Variants in ACSL4 observed in about 807,000 individuals in gnomAD.
ACSL4 encodes acyl-CoA synthetase long chain family member 4.
ACSL4 carries 9 observed loss-of-function variants against 49.1 expected under a neutral mutation model. The ratio of observed to expected loss-of-function variants is 0.18; its 90% CI spans 0.11 to 0.32. The LOEUF is 0.32. Ranked by LOEUF, ACSL4 falls within the 10% of genes least tolerant of loss-of-function variation. The pLI is 1.00. For synonymous variants in ACSL4, 191 were observed against 170.3 expected, an observed-to-expected ratio of 1.12 and a Z score of -0.95; for missense variants, 333 against 493.7, an observed-to-expected ratio of 0.67 and a Z score of 3.08.
chrX:109,722,353 T>C (rs1427007816), intron 1 of ACSL4, among the ~76,000 whole-genome samples: 1 of 111,933 alleles, frequency 8.9e-6, no homozygotes, highest in Non-Finnish European at 1.9e-5. Flanking sequence ...TGAGATATCA[T>C]AGAAAAAGGT....
rs35186119 is a variant in ACSL4 at position 109,727,657 on chromosome X, T to TTGTGTGTGTG, written c.-66+5472_-66+5481dup. Among the ~76,000 whole-genome samples the TTGTGTGTGTG allele has an allele frequency of 2.5e-3, 218 of 88,396 alleles. 1 individual carries two copies. The highest frequency in any genetic ancestry group is 3.7e-3 in the Non-Finnish European group (171 of 46,686). 76.8% of individuals were successfully genotyped at this position (88,396 alleles called of 115,157 possible). ...TAAAAAGTCAGGGTAGTTTGTTAAATTGTGTGTGTGTGTGTGTGTGTGTGT... is the reference window on the plus strand; with the variant it reads ...TAAAAAGTCAGGGTAGTTTGTTAAATTGTGTGTGTGTGTGTGTGTGTGTGTGTGTGTGTGT... On this transcript the variant is annotated intron_variant, in intron 1 of 15. Coordinates refer to ENST00000672401, the MANE Select transcript of ACSL4 (RefSeq NM_001318510.2).
chrX:109,658,751 G>C (rs930795416), intron 15 of ACSL4, among the ~76,000 whole-genome samples: 10 of 111,540 alleles, frequency 9.0e-5, no homozygotes, highest in African/African-American at 2.6e-4. Context: ...AAGTAGGTTA[G>C]GTACCCTCAT....
intron 15 of ACSL4, among the ~76,000 whole-genome samples, chrX:109,646,381 A>G (rs1426106182): frequency 5.4e-5 from 6 of 111,563 alleles, no homozygotes; most frequent in African/African-American, 2.0e-4. Context: ...ATTCTTAAAG[A>G]AAAGAATTTT....
chrX:109,645,117 G>C (rs1224924002), intron 15 of ACSL4, among the ~76,000 whole-genome samples: 2 of 113,208 alleles, frequency 1.8e-5, no homozygotes, highest in Admixed American at 1.9e-4. Context: ...CATTGCCCAG[G>C]CTTGCTTAGG....
At chrX:109,666,787 C>T (rs750222388) in intron 11 of ACSL4, among the ~76,000 whole-genome samples, 3 of 111,819 alleles carry the variant, frequency 2.7e-5, no homozygotes, top group Non-Finnish European at 5.6e-5. Flanking sequence ...TGGTGGCACA[C>T]GCCTGTAGTC....
At chrX:109,662,207 T>G in intron 13 of ACSL4, among the ~76,000 whole-genome samples, 1 of 111,610 alleles carries the variant, frequency 9.0e-6, no homozygotes, top group Admixed American at 9.5e-5. Flanking sequence ...TAGCACAGGA[T>G]GGCACAGCTT....
intron 2 of ACSL4, among the ~76,000 whole-genome samples, chrX:109,684,436 G>A (rs553790837): frequency 1.8e-3 from 205 of 111,855 alleles, no homozygotes; most frequent in African/African-American, 6.3e-3. Flanking sequence ...CGGGGACAGG[G>A]GGTGCAATTA....
intron 15 of ACSL4, 37 bp from the exon 16 acceptor site, chrX:109,644,223 G>C (rs184269296): frequency 3.9e-5 from 45 of 1,166,296 alleles, no homozygotes; most frequent in Non-Finnish European, 4.9e-5. Context: ...AAAAGGAGAG[G>C]GGGGGAAAGA....
At chrX:109,655,441 G>A (rs1265441387) in intron 15 of ACSL4, among the ~76,000 whole-genome samples, 1 of 110,671 alleles carries the variant, frequency 9.0e-6, no homozygotes, top group Admixed American at 9.7e-5. Flanking sequence ...AGATGATAAA[G>A]TTGAGAGACT....
intron 1 of ACSL4, among the ~76,000 whole-genome samples, chrX:109,726,634 T>G (rs2147558679): frequency 8.9e-6 from 1 of 112,007 alleles, no homozygotes; most frequent in South Asian, 3.6e-4. Flanking sequence ...GGAGGTCAAT[T>G]AAAGCTTCTA....
intron 2 of ACSL4, among the ~76,000 whole-genome samples, chrX:109,692,873 TGAA>T (rs1448211653): frequency 8.9e-6 from 1 of 112,350 alleles, no homozygotes; most frequent in Non-Finnish European, 1.9e-5. Flanking sequence ...TTTGTTCAAG[TGAA>T]GAATATACAA....
intron 2 of ACSL4, among the ~76,000 whole-genome samples, chrX:109,689,726 C>G (rs1924901089): frequency 8.9e-6 from 1 of 111,903 alleles, no homozygotes; most frequent in Non-Finnish European, 1.9e-5. Context: ...AAATTGTACT[C>G]CCCACACTTT....
intron 2 of ACSL4, among the ~76,000 whole-genome samples, chrX:109,695,231 G>A (rs1388402157): frequency 9.2e-6 from 1 of 109,093 alleles, no homozygotes. Flanking sequence ...TATAATCCCA[G>A]CTATTCAGGA....
rs1254322814 is a variant in ACSL4 at position 109,707,593 on chromosome X, G to A, written c.-65-11397C>T. Among the ~76,000 whole-genome samples the A allele has an allele frequency of 7.2e-5, 8 of 110,398 alleles. No homozygotes were observed. In the Admixed American group the frequency reaches 7.7e-4, roughly 11 times the overall value. On this transcript the variant is annotated intron_variant, in intron 1 of 15. Transcript: ENST00000672401. ...GCAGCACAGCTCCTAACAGGCCATG[G>A]ACCAGTACCGGTCCATGGTCTGGGA... is the stretch of plus-strand genomic sequence containing the variant.
In ACSL4 at chrX:109,678,339, A is replaced by T; in HGVS notation, c.732T>A (p.Pro244=). ...TGCTATGATGCATCATCACTCCCTTAGGTCGGCCAGTAGAACCACTAGTAT... is the reference window on the plus strand; with the variant it reads ...TGCTATGATGCATCATCACTCCCTTTGGTCGGCCAGTAGAACCACTAGTAT... ...VMYTSGSTGR[P]KGVMMHHSNL... is the part of the protein sequence containing the mutation. Residue 244 remains proline, a synonymous_variant, in exon 7 of 16, where the codon CCT becomes CCA. Coordinates refer to ENST00000672401, the MANE Select transcript of ACSL4 (RefSeq NM_001318510.2). 8.3e-7 allele frequency: 1 copy of T among 1,211,549 alleles called. No homozygotes were observed. The highest frequency in any genetic ancestry group is 1.1e-6 in the Non-Finnish European group (1 of 895,419).
At chrX:109,693,752 G>A (rs752349701) in intron 2 of ACSL4, among the ~76,000 whole-genome samples, 130 of 111,778 alleles carry the variant, frequency 1.2e-3, no homozygotes, top group African/African-American at 4.1e-3. Flanking sequence ...CAATTGATGG[G>A]GGGCCTCCAA....
At chrX:109,712,942 G>A (rs941789125) in intron 1 of ACSL4, among the ~76,000 whole-genome samples, 2 of 108,974 alleles carry the variant, frequency 1.8e-5, no homozygotes, top group Non-Finnish European at 3.8e-5. Flanking sequence ...CTCCAGCCTG[G>A]GCGACAGAGT....
intron 9 of ACSL4, among the ~76,000 whole-genome samples, chrX:109,669,629 G>A (rs866625562): frequency 1.4e-4 from 16 of 111,652 alleles, no homozygotes; most frequent in African/African-American, 4.6e-4. Context: ...TCCTGACTTC[G>A]TGATCCGCCA....
chrX:109,664,585 A>G (rs1014061987), intron 12 of ACSL4, among the ~76,000 whole-genome samples: 1 of 112,138 alleles, frequency 8.9e-6, no homozygotes, highest in African/African-American at 3.2e-5. Context: ...AGCACTGACA[A>G]TAACACACAT....
Sources: gnomAD v4.1 joint callset for allele counts (sites outside exome capture counted in the v4.1 genomes callset) on GRCh38, gnomAD v4.1.1 for gene constraint, MANE v1.5 for transcripts, NCBI Gene and HGNC (gene_info 2026-07-23, HGNC 2026-07-21) for gene names.